Variants in UBE2G1 observed in about 807,000 individuals in gnomAD.
UBE2G1 encodes the protein ubiquitin-conjugating enzyme E2 G1.
A neutral mutation model predicts 22.7 loss-of-function variants in UBE2G1; 5 were observed. The observed-to-expected ratio is 0.22, with a 90% CI of 0.12 to 0.46. UBE2G1 has a LOEUF of 0.46. Ranked by LOEUF, UBE2G1 falls within the 20% of genes least tolerant of loss-of-function variation. UBE2G1 has a pLI of 0.99. For missense variants in UBE2G1, 88 were observed against 203.9 expected (o/e 0.43, Z 3.46); for synonymous variants, 74 against 67.5 (o/e 1.10, Z -0.47).
At chr17:4,356,628 G>A (rs1332508940) in intron 1 of UBE2G1, among the ~76,000 whole-genome samples, 3 of 152,188 alleles carry the variant, frequency 2.0e-5, no homozygotes, top group Non-Finnish European at 4.4e-5. Flanking sequence ...AGCACTCTGG[G>A]AGGCCAAGCC....
At chr17:4,320,026 GTGTATTAT>G (rs1969420409) in intron 1 of UBE2G1, among the ~76,000 whole-genome samples, 1 of 151,824 alleles carries the variant, frequency 6.6e-6, no homozygotes, top group South Asian at 2.1e-4. Context: ...GTGTGTGTGT[GTGTATTAT>G]TTTCTTGTTG....
intron 2 of UBE2G1, among the ~76,000 whole-genome samples, chr17:4,299,817 C>T (rs77424691): frequency 0.072 from 9,515 of 132,390 alleles, 1,072 homozygotes; most frequent in African/African-American, 0.23. Context: ...CCCCTCTTTT[C>T]CTTTTTTTAG....
chr17:4,276,206 T>C (rs914047342), intron 5 of UBE2G1, among the ~76,000 whole-genome samples: 4 of 152,188 alleles, frequency 2.6e-5, no homozygotes, highest in African/African-American at 9.7e-5. Context: ...GCCCTTTTTT[T>C]TGGAGACAGA....
At chr17:4,327,580 C>G (rs562907610) in intron 1 of UBE2G1, among the ~76,000 whole-genome samples, 2 of 151,032 alleles carry the variant, frequency 1.3e-5, no homozygotes, top group African/African-American at 4.9e-5. Context: ...TGAGGAGTTA[C>G]CGGTTTGTGT....
At chr17:4,284,574 C>T (rs142567494) in intron 4 of UBE2G1, among the ~76,000 whole-genome samples, 1,557 of 151,750 alleles carry the variant, frequency 0.01, 12 homozygotes, top group Non-Finnish European at 0.012. Context: ...GCATTCCAGC[C>T]TGGGCGACAG....
chr17:4,279,756 C>T (rs1373727270), intron 5 of UBE2G1, among the ~76,000 whole-genome samples: 1 of 148,432 alleles, frequency 6.7e-6, no homozygotes, highest in African/African-American at 2.6e-5. Flanking sequence ...GCCCGAGCGA[C>T]ACAGCGAAAC....
chr17:4,301,565 T>C, intron 2 of UBE2G1: 1 of 1,333,658 alleles, frequency 7.5e-7, no homozygotes, highest in Non-Finnish European at 1.1e-6. Context: ...CTTGGCCCAA[T>C]GTAGTTTTGT....
chr17:4,278,919 T>G (rs1968851486), intron 5 of UBE2G1, among the ~76,000 whole-genome samples: 6 of 152,152 alleles, frequency 3.9e-5, no homozygotes, highest in Admixed American at 3.9e-4. Flanking sequence ...ACCTTTGCAT[T>G]TGATACATTT....
At chr17:4,306,479 G>A (rs934899542) in intron 2 of UBE2G1, among the ~76,000 whole-genome samples, 7 of 152,160 alleles carry the variant, frequency 4.6e-5, no homozygotes, top group East Asian at 1.9e-4. Flanking sequence ...ATGAGCCACC[G>A]CGCCCGGCCT....
chr17:4,289,870 T>C (rs1969013173), intron 3 of UBE2G1, among the ~76,000 whole-genome samples: 1 of 152,206 alleles, frequency 6.6e-6, no homozygotes, highest in South Asian at 2.1e-4. Flanking sequence ...AGACTATTCC[T>C]AAGAAATATA....
intron 4 of UBE2G1, among the ~76,000 whole-genome samples, chr17:4,286,091 T>C (rs936386187): frequency 1.3e-5 from 2 of 151,474 alleles, no homozygotes; most frequent in East Asian, 3.9e-4. Context: ...AAAGGTGTAA[T>C]ATGAGAGAAG....
rs1441006110 is a variant in UBE2G1 at position 4,365,164 on chromosome 17, C to T, written c.46+1107G>A. Among the ~76,000 whole-genome samples the T allele has an allele frequency of 4.6e-5, 7 of 152,334 alleles. No homozygotes were observed. In the South Asian group the frequency reaches 8.3e-4, roughly 18 times the overall value. ...TCCAGTCTTTGGCTTCTGCTGAGGG[C>T]TAGAGGCTACTGGTTTTAGAGTGGG... On this transcript the variant is annotated intron_variant, in intron 1 of 5. Coordinates refer to ENST00000396981, the MANE Select transcript of UBE2G1 (RefSeq NM_003342.5).
chr17:4,325,137 C>A (rs749713593), intron 1 of UBE2G1, among the ~76,000 whole-genome samples: 1 of 151,892 alleles, frequency 6.6e-6, no homozygotes, highest in Non-Finnish European at 1.5e-5. Context: ...AGTTTAAAAT[C>A]TTCAAAAATT....
chr17:4,362,386 T>C (rs1435418752), intron 1 of UBE2G1, among the ~76,000 whole-genome samples: 1 of 152,178 alleles, frequency 6.6e-6, no homozygotes, highest in East Asian at 1.9e-4. Context: ...ACATTTATGG[T>C]TGTCACAACT....
chr17:4,342,893 A>G (rs1020084210), intron 1 of UBE2G1, among the ~76,000 whole-genome samples: 2 of 152,122 alleles, frequency 1.3e-5, no homozygotes, highest in African/African-American at 4.8e-5. Context: ...CTCCTCTGAC[A>G]TTGCCAGGCC....
intron 4 of UBE2G1, among the ~76,000 whole-genome samples, chr17:4,288,001 G>A (rs1333879663): frequency 6.6e-6 from 1 of 152,174 alleles, no homozygotes; most frequent in Non-Finnish European, 1.5e-5. Flanking sequence ...GACTTGTACT[G>A]TGTATATGGA....
chr17:4,344,134 T>A (rs1355933301), intron 1 of UBE2G1, among the ~76,000 whole-genome samples: 3 of 152,132 alleles, frequency 2.0e-5, no homozygotes, highest in Non-Finnish European at 4.4e-5. Context: ...GTAAAGCAAG[T>A]TCATAGGAGG....
At chr17:4,287,271 A>AT in intron 4 of UBE2G1, among the ~76,000 whole-genome samples, 1 of 151,602 alleles carries the variant, frequency 6.6e-6, no homozygotes, top group African/African-American at 2.4e-5. Flanking sequence ...CGCCTGGCTA[A>AT]TTTTTTTGTA....
intron 1 of UBE2G1, among the ~76,000 whole-genome samples, chr17:4,354,210 T>A (rs993551650): frequency 6.6e-6 from 1 of 152,192 alleles, no homozygotes; most frequent in Non-Finnish European, 1.5e-5. Context: ...AAGCCCTCCA[T>A]GAACCAGACT....
Sources: gnomAD v4.1 joint callset for allele counts (sites outside exome capture counted in the v4.1 genomes callset) on GRCh38, gnomAD v4.1.1 for gene constraint, MANE v1.5 for transcripts, NCBI Gene and HGNC (gene_info 2026-07-23, HGNC 2026-07-21) for gene names.